ZNF76: variants seen among roughly 807,000 people sequenced by gnomAD.
ZNF76 encodes the protein zinc finger protein 76.
A neutral mutation model predicts 66.9 loss-of-function variants in ZNF76; 66 were observed. The ratio of observed to expected loss-of-function variants is 0.99; its 90% CI spans 0.81 to 1.21. The LOEUF (loss-of-function observed/expected upper bound fraction) is 1.21, where lower values mean the gene tolerates loss of function less well. Among genes scored for constraint, ZNF76 ranks in the 50% most tolerant of loss-of-function variants. ZNF76 has a pLI of 0.00. For missense variants in ZNF76, 729 were observed against 760.3 expected, an observed-to-expected ratio of 0.96 and a Z score of 0.48; for synonymous variants, 275 against 296.1, an observed-to-expected ratio of 0.93 and a Z score of 0.73.
chr6:35,285,895 T>C (rs1436056206), intron 2 of ZNF76, among the ~76,000 whole-genome samples: 1 of 138,640 alleles, frequency 7.2e-6, no homozygotes, highest in Non-Finnish European at 1.6e-5. Context: ...TGTTAGTAAC[T>C]GGAAGGGAAT....
At chr6:35,272,595 C>T (rs941938257) in intron 1 of ZNF76, among the ~76,000 whole-genome samples, 5 of 152,038 alleles carry the variant, frequency 3.3e-5, no homozygotes, top group Non-Finnish European at 7.4e-5. Context: ...CAGTTCTCCA[C>T]CTTGGTGTTT....
At chr6:35,290,146 C>A in intron 5 of ZNF76, 120 bp from the exon 6 acceptor site, 1 of 1,318,722 alleles carries the variant, frequency 7.6e-7, no homozygotes, top group Non-Finnish European at 1.1e-6. Context: ...GTTCTTCTGC[C>A]CCAGAGGCCC....
chr6:35,295,105 T>C, intron 13 of ZNF76, 39 bp from the exon 14 acceptor site: 1 of 1,500,424 alleles, frequency 6.7e-7, no homozygotes, highest in Non-Finnish European at 9.2e-7. Flanking sequence ...GCAGGGAGGG[T>C]CTCACTGTCT....
In ZNF76 at chr6:35,287,643, C is replaced by T; in HGVS notation, c.233-3C>T. Reference sequence around the variant, plus strand: ...ATCAGGGCTAACCGCGTGTTCCCTGCAGAAGGCTATGACCCCAGCACCCTG... The same window carrying T: ...ATCAGGGCTAACCGCGTGTTCCCTGTAGAAGGCTATGACCCCAGCACCCTG... On this transcript the variant is annotated splice_region_variant and splice_polypyrimidine_tract_variant and intron_variant, in intron 4 of 13. Coordinates refer to ENST00000373953, the MANE Select transcript of ZNF76 (RefSeq NM_003427.5). This position sits in a 1 kb window ranked among gnomAD's most constrained non-coding sequence, Gnocchi z 4.0. 6.2e-7 allele frequency: 1 copy of T among 1,605,862 alleles called. No individual in the cohort carries two copies. Among genetic ancestry groups the T allele is most frequent in the Non-Finnish European group, 8.5e-7 (1 of 1,175,140 alleles).
At chr6:35,290,179 T>C in intron 5 of ZNF76, 87 bp from the exon 6 acceptor site, 12 of 1,554,278 alleles carry the variant, frequency 7.7e-6, no homozygotes, top group Non-Finnish European at 1.1e-5. Flanking sequence ...ACCCTGCCTG[T>C]TGGGTCTTAA....
intron 2 of ZNF76, among the ~76,000 whole-genome samples, chr6:35,281,469 A>T (rs1348690399): frequency 3.9e-5 from 6 of 152,340 alleles, no homozygotes; most frequent in African/African-American, 1.2e-4. Flanking sequence ...AATTCCTAAT[A>T]TGTAATAAGC....
chr6:35,292,323 C>G lies in ZNF76; in HGVS notation c.932-231C>G. The G allele has an allele frequency of 1.7e-6, 1 of 583,668 alleles. No homozygotes were observed. Among genetic ancestry groups the G allele is most frequent in the Non-Finnish European group, 3.1e-6 (1 of 323,642 alleles). 36.2% of individuals were successfully genotyped at this position (583,668 alleles called of 1,614,324 possible). Reference sequence around the variant, plus strand: ...CCCCTTCACTAGCCCCAGCCTTGCCCTGTCCCCCGTTTCCTTTCCGCCTTG... The same window carrying G: ...CCCCTTCACTAGCCCCAGCCTTGCCGTGTCCCCCGTTTCCTTTCCGCCTTG... On this transcript the variant is annotated intron_variant, in intron 9 of 13. Transcript: ENST00000373953. This position sits in a 1 kb window ranked among gnomAD's most constrained non-coding sequence, Gnocchi z 4.7.
At chr6:35,277,890 C>T (rs62403577) in intron 1 of ZNF76, among the ~76,000 whole-genome samples, 322 of 152,308 alleles carry the variant, frequency 2.1e-3, no homozygotes, top group Non-Finnish European at 4.0e-3. Flanking sequence ...GACGGAGTCT[C>T]ACTCTGTCGC....
At position 35,292,302 on chromosome 6, in the gene ZNF76, T is replaced by A; in HGVS notation, c.932-252T>A. ...AGCCCCAGTGCCCCCTACCAGCCCC[T>A]TCACTAGCCCCAGCCTTGCCCTGTC... is the stretch of plus-strand genomic sequence containing the variant. On this transcript the variant is annotated intron_variant, in intron 9 of 13. Coordinates refer to ENST00000373953, the MANE Select transcript of ZNF76 (RefSeq NM_003427.5). This position sits in a 1 kb window ranked among gnomAD's most constrained non-coding sequence, Gnocchi z 4.7. The A allele has an allele frequency of 2.1e-5, 10 of 478,888 alleles. No homozygotes were observed. Among genetic ancestry groups the A allele is most frequent in the East Asian group, 3.7e-5 (1 of 26,740 alleles). The allele number at this position is 478,888 out of a possible 1,614,324, so 29.7% of individuals were successfully genotyped here. A position where few individuals can be genotyped will look rare whatever the true frequency, so the allele number is the denominator to read the frequency against.
chr6:35,280,277 C>G (rs1788564157), intron 1 of ZNF76, among the ~76,000 whole-genome samples: 1 of 152,144 alleles, frequency 6.6e-6, no homozygotes, highest in Admixed American at 6.5e-5. Flanking sequence ...AGGAAGATCA[C>G]TTGAGCCCAG....
intron 1 of ZNF76, among the ~76,000 whole-genome samples, chr6:35,273,790 A>G (rs1005006487): frequency 3.3e-5 from 5 of 151,598 alleles, no homozygotes; most frequent in African/African-American, 9.7e-5. Context: ...TCCTGGGCTC[A>G]AGGGATCCTC....
chr6:35,265,452 A>T (rs1304939091), intron 1 of ZNF76, among the ~76,000 whole-genome samples: 1 of 150,892 alleles, frequency 6.6e-6, no homozygotes, highest in East Asian at 2.0e-4. Context: ...GGTTGCAGTG[A>T]GCTGAGATCA....
intron 5 of ZNF76, chr6:35,288,438 C>T (rs1231560811): frequency 6.0e-6 from 2 of 333,664 alleles, no homozygotes; most frequent in Non-Finnish European, 1.2e-5. Flanking sequence ...CTGCCGAAAC[C>T]ATGGTCCTGC....
chr6:35,261,104 T>A (rs1319711710), intron 1 of ZNF76, among the ~76,000 whole-genome samples: 1 of 152,206 alleles, frequency 6.6e-6, no homozygotes, highest in African/African-American at 2.4e-5. Flanking sequence ...TAGCCTGTCT[T>A]AACTTCAGTC....
chr6:35,265,661 G>C (rs1224895213), intron 1 of ZNF76, among the ~76,000 whole-genome samples: 2 of 152,148 alleles, frequency 1.3e-5, no homozygotes, highest in South Asian at 4.2e-4. Context: ...ATACATCTAG[G>C]GGAAATTTAT....
chr6:35,291,125 C>T (rs1252352959), intron 7 of ZNF76, 153 bp from the exon 8 acceptor site: 1 of 1,020,150 alleles, frequency 9.8e-7, no homozygotes, highest in East Asian at 2.6e-5. Flanking sequence ...GCAGAGTGGG[C>T]TTTTCCAGCC....
In ZNF76 at chr6:35,286,338, G is replaced by A; in HGVS notation, c.171G>A (p.Glu57=). The change falls in exon 4 of 14, where the codon GAG becomes GAA. Residue 57 remains glutamate (E), a synonymous_variant. Transcript: ENST00000373953. ...VTVQKEALSF[E]DGQPVQLEDG... is the part of the protein sequence containing the mutation. ...TCGTTACAGAAGCTCTCTCCTTTGA[G>A]GATGGTCAGCCTGTGCAGCTGGAAG... The A allele has an allele frequency of 6.2e-7, 1 of 1,614,212 alleles. No individual in the cohort carries two copies. Among genetic ancestry groups the A allele is most frequent in the Non-Finnish European group, 8.5e-7 (1 of 1,180,046 alleles).
chr6:35,293,584 CTT>C (rs139747286), intron 11 of ZNF76, among the ~76,000 whole-genome samples, 165 bp from the exon 12 acceptor site: 4,021 of 152,328 alleles, frequency 0.026, 64 homozygotes, highest in Middle Eastern at 0.054. Flanking sequence ...TGTGGCCTCT[CTT>C]TGCAACCTTG....
Position 35,294,553 on chromosome 6 carries a change from C to T in ZNF76, c.1592C>T (p.Thr531Met), listed in dbSNP as rs758716942. 6.0e-5 allele frequency: 96 copies of T among 1,613,080 alleles called. No homozygotes were observed. The highest frequency in any genetic ancestry group is 7.5e-5 in the Non-Finnish European group (88 of 1,179,250). ...QVALLATANG[T>M]HIAVQLEEQQ... is the part of the protein sequence containing the mutation. ...GCACTGTTGGCCACAGCCAACGGAA[C>T]GCACATTGCAGTGCAGGTGAGTAGA... The change falls in exon 13 of 14, where the codon ACG becomes ATG. Residue 531 changes from threonine to methionine, a missense_variant. Coordinates refer to ENST00000373953, the MANE Select transcript of ZNF76 (RefSeq NM_003427.5).
Sources: gnomAD v4.1 joint callset for allele counts (sites outside exome capture counted in the v4.1 genomes callset) on GRCh38, gnomAD v4.1.1 for gene constraint, Gnocchi (gnomAD v3.1) non-coding constraint, MANE v1.5 for transcripts, NCBI Gene and HGNC (gene_info 2026-07-23, HGNC 2026-07-21) for gene names.